GPM6A: variants seen among roughly 807,000 people sequenced by gnomAD.
GPM6A encodes the protein neuronal membrane glycoprotein M6-a.
GPM6A carries 7 observed loss-of-function variants against 32.1 expected under a neutral mutation model. The observed-to-expected ratio is 0.22, with a 90% CI of 0.12 to 0.41. GPM6A has a LOEUF of 0.41. Ranked by LOEUF, GPM6A falls within the 10% of genes least tolerant of loss-of-function variation. The pLI, the probability that GPM6A is intolerant of heterozygous loss-of-function variation, is 1.00. For synonymous variants in GPM6A, 130 were observed against 123.4 expected (o/e 1.05, Z -0.35); for missense variants, 235 against 347.2 (o/e 0.68, Z 2.57).
At chr4:175,844,378 C>A (rs1004560203) in intron 1 of GPM6A, among the ~76,000 whole-genome samples, 1 of 152,162 alleles carries the variant, frequency 6.6e-6, no homozygotes, top group Non-Finnish European at 1.5e-5. Context: ...TGAATTATCT[C>A]AAACCTGCTT....
intron 1 of GPM6A, among the ~76,000 whole-genome samples, chr4:175,931,276 A>G (rs1029085495): frequency 4.6e-5 from 7 of 152,164 alleles, no homozygotes; most frequent in African/African-American, 1.7e-4. Context: ...AAACCCTACT[A>G]AAGTCTAAGC....
chr4:175,959,303 T>A (rs1740091020), intron 1 of GPM6A, among the ~76,000 whole-genome samples: 2 of 152,138 alleles, frequency 1.3e-5, no homozygotes. Flanking sequence ...GTTATACACA[T>A]TATGAGAGCT....
chr4:175,708,633 G>C (rs1745349848), intron 1 of GPM6A, among the ~76,000 whole-genome samples: 1 of 152,042 alleles, frequency 6.6e-6, no homozygotes, highest in Non-Finnish European at 1.5e-5. Context: ...GTTTCAAACA[G>C]AGGGAAACTA....
At chr4:175,848,194 T>C (rs1478006905) in intron 1 of GPM6A, among the ~76,000 whole-genome samples, 1 of 152,190 alleles carries the variant, frequency 6.6e-6, no homozygotes, top group African/African-American at 2.4e-5. Context: ...CTCAAGCTTT[T>C]TTCTTGAACA....
At chr4:175,794,572 A>C (rs1461297479) in intron 1 of GPM6A, among the ~76,000 whole-genome samples, 2 of 152,226 alleles carry the variant, frequency 1.3e-5, no homozygotes, top group African/African-American at 4.8e-5. Flanking sequence ...CATAGCATAG[A>C]AATAGAAAAA....
At chr4:175,827,202 T>C (rs1374899706) in intron 1 of GPM6A, among the ~76,000 whole-genome samples, 3 of 152,224 alleles carry the variant, frequency 2.0e-5, no homozygotes, top group Admixed American at 6.5e-5. Context: ...ATTATATCCA[T>C]TTTAAACAGG....
At chr4:175,852,226 A>G (rs77191793) in intron 1 of GPM6A, among the ~76,000 whole-genome samples, 3,395 of 152,254 alleles carry the variant, frequency 0.022, 47 homozygotes, top group Non-Finnish European at 0.034. Context: ...TAAATAAATA[A>G]GTGGAAATGT....
intron 1 of GPM6A, among the ~76,000 whole-genome samples, chr4:175,772,540 T>G (rs1234604611): frequency 6.6e-6 from 1 of 152,178 alleles, no homozygotes; most frequent in Non-Finnish European, 1.5e-5. Flanking sequence ...CTTTTTAGAC[T>G]GGGAAACCTT....
At chr4:175,866,370 T>G (rs1292512492) in intron 1 of GPM6A, among the ~76,000 whole-genome samples, 1 of 152,156 alleles carries the variant, frequency 6.6e-6, no homozygotes, top group Non-Finnish European at 1.5e-5. Flanking sequence ...GACACATACC[T>G]ATCGTTAGAG....
chr4:175,934,491 T>C (rs1466506051), intron 1 of GPM6A, among the ~76,000 whole-genome samples: 1 of 152,080 alleles, frequency 6.6e-6, no homozygotes, highest in South Asian at 2.1e-4. Flanking sequence ...TCTGAAGAGG[T>C]AGGAAAAATT....
rs190559275 is a variant in GPM6A at position 175,804,192 on chromosome 4, T to C, written c.37+7999A>G. 1.6e-3 allele frequency among the ~76,000 whole-genome samples: 239 copies of C among 152,344 alleles called. 2 individuals are homozygous for C. Among genetic ancestry groups the C allele is most frequent in the African/African-American group, 5.5e-3 (229 of 41,578 alleles). On this transcript the variant is annotated intron_variant, in intron 1 of 6. Coordinates refer to ENST00000393658, the MANE Select transcript of GPM6A (RefSeq NM_201591.3). ...AATAATGAATTCTATTATTGAATAT[T>C]GAAATATTGAAAGGTGTTTGAAGAA...
At chr4:175,802,094 C>G (rs150919360) in intron 1 of GPM6A, among the ~76,000 whole-genome samples, 1 of 151,938 alleles carries the variant, frequency 6.6e-6, no homozygotes, top group African/African-American at 2.4e-5. Context: ...CTTGCTGTCT[C>G]TTTGTGAATT....
intron 1 of GPM6A, among the ~76,000 whole-genome samples, chr4:175,970,471 GTGTGTGTTATAACATA>G (rs1263189620): frequency 6.6e-6 from 1 of 152,178 alleles, no homozygotes; most frequent in Non-Finnish European, 1.5e-5. Flanking sequence ...TTGTTCGTGT[GTGTGTGTTATAACATA>G]TGTATTTACT....
chr4:175,938,121 A>G lies in GPM6A; in HGVS notation c.-23+64188T>C, dbSNP rs1739295594. ...ATTAAAATGATTTTGACATTGGTCAATAGGTACAAACATAAAGAAAAGAAA... is the reference window on the plus strand; with the variant it reads ...ATTAAAATGATTTTGACATTGGTCAGTAGGTACAAACATAAAGAAAAGAAA... On this transcript the variant is annotated intron_variant, in intron 1 of 7. Coordinates refer to the GPM6A transcript ENST00000280187. Among the ~76,000 whole-genome samples, 3 of 152,340 alleles carry G rather than the reference A, an allele frequency of 2.0e-5. No homozygotes were observed. In the South Asian group the frequency reaches 6.2e-4, roughly 32 times the overall value.
intron 1 of GPM6A, among the ~76,000 whole-genome samples, chr4:175,707,645 T>A (rs1362757851): frequency 6.6e-6 from 1 of 152,194 alleles, no homozygotes; most frequent in Non-Finnish European, 1.5e-5. Flanking sequence ...TTTCTTTTTT[T>A]TTCAATATAT....
At chr4:175,737,720 G>T (rs919425965) in intron 1 of GPM6A, among the ~76,000 whole-genome samples, 3 of 152,104 alleles carry the variant, frequency 2.0e-5, no homozygotes, top group Admixed American at 1.3e-4. Flanking sequence ...TTCAAGTGAG[G>T]CCTTAGGAAT....
At chr4:175,637,321 T>TATATATTATATATTATATATTATATAAAA in intron 6 of GPM6A, among the ~76,000 whole-genome samples, 1 of 45,272 alleles carries the variant, frequency 2.2e-5, no homozygotes, top group African/African-American at 1.2e-4. Flanking sequence ...TAATATAAAA[T>TATATATTATATATTATATATTATATAAAA]ATATATTATA....
chr4:175,701,339 T>C (rs919911097), intron 2 of GPM6A, among the ~76,000 whole-genome samples: 1 of 152,194 alleles, frequency 6.6e-6, no homozygotes, highest in Non-Finnish European at 1.5e-5. Context: ...AATACAACTT[T>C]ACATTTAAAG....
intron 1 of GPM6A, among the ~76,000 whole-genome samples, chr4:175,944,179 T>C (rs751278426): frequency 2.0e-5 from 3 of 152,194 alleles, no homozygotes; most frequent in Non-Finnish European, 4.4e-5. Context: ...CAGACAATAA[T>C]AGATTTAAAA....
Sources: allele counts gnomAD v4.1 joint callset (sites outside exome capture counted in the v4.1 genomes callset), GRCh38; gene constraint gnomAD v4.1.1; transcripts MANE v1.5; gene names NCBI Gene and HGNC (gene_info 2026-07-23, HGNC 2026-07-21).